Variants in PSAT1 observed in about 807,000 individuals in gnomAD.
PSAT1 encodes the protein phosphoserine aminotransferase 1.
PSAT1 carries 41 observed loss-of-function variants against 40.3 expected under a neutral mutation model. The ratio of observed to expected loss-of-function variants is 1.02; its 90% confidence interval spans 0.79 to 1.32. The LOEUF is 1.32. Among genes scored for constraint, PSAT1 ranks in the 40% most tolerant of loss-of-function variants. The pLI, the probability that PSAT1 is intolerant of heterozygous loss-of-function variation, is 0.00. For synonymous variants in PSAT1, 147 were observed against 170.5 expected, an observed-to-expected ratio of 0.86 and a Z score of 1.07; for missense variants, 406 against 455.8, an observed-to-expected ratio of 0.89 and a Z score of 0.99.
At chr9:78,304,035 A>G (rs1227061019) in intron 3 of PSAT1, among the ~76,000 whole-genome samples, 1 of 152,144 alleles carries the variant, frequency 6.6e-6, no homozygotes, top group East Asian at 1.9e-4. Flanking sequence ...GGCCTAAAAC[A>G]TTATCGAAAC....
At chr9:78,321,348 T>C (rs1194936847) in intron 7 of PSAT1, among the ~76,000 whole-genome samples, 2 of 152,238 alleles carry the variant, frequency 1.3e-5, no homozygotes, top group Non-Finnish European at 2.9e-5. Flanking sequence ...TGTTTATAGC[T>C]GGAGACTCCC....
intron 5 of PSAT1, among the ~76,000 whole-genome samples, chr9:78,307,231 T>G (rs1828197501): frequency 6.6e-6 from 1 of 152,186 alleles, no homozygotes; most frequent in African/African-American, 2.4e-5. Flanking sequence ...CAGCCTCCAT[T>G]CTAGTTTCTG....
At chr9:78,308,356 A>C in intron 5 of PSAT1, 58 bp from the exon 6 acceptor site, 1 of 1,573,042 alleles carries the variant, frequency 6.4e-7, no homozygotes, top group Non-Finnish European at 8.7e-7. Flanking sequence ...GGAAGTTTGC[A>C]TACATGTATG....
At chr9:78,324,212 G>A (rs867698612) in intron 7 of PSAT1, among the ~76,000 whole-genome samples, 2 of 152,148 alleles carry the variant, frequency 1.3e-5, no homozygotes, top group Non-Finnish European at 2.9e-5. Context: ...CATTTACGTG[G>A]TCGGTGAGCT....
chr9:78,320,424 A>G (rs1344708502), intron 7 of PSAT1, among the ~76,000 whole-genome samples: 1 of 117,630 alleles, frequency 8.5e-6, no homozygotes, highest in African/African-American at 3.4e-5. Context: ...ATCTACCTAC[A>G]CACCCACCCA....
chr9:78,326,955 A>ATATTTTTTTTTTTT lies in PSAT1; in HGVS notation c.870-1095_870-1094insATTTTTTTTTTTTT. Among the ~76,000 whole-genome samples, 147 of 75,920 alleles carry ATATTTTTTTTTTTT rather than the reference A, an allele frequency of 1.9e-3. 3 individuals carry two copies. The highest frequency in any genetic ancestry group is 5.2e-3 in the African/African-American group (55 of 10,530). 49.8% of individuals were successfully genotyped at this position (75,920 alleles called of 152,430 possible). On this transcript the variant is annotated intron_variant, in intron 7 of 8. Transcript: ENST00000376588. ...CAGCAATATATATATATATATATAT[A>ATATTTTTTTTTTTT]TTTTTTTTTTTTTTTTTTGAGACAG...
At chr9:78,313,760 T>A (rs970038428) in intron 6 of PSAT1, among the ~76,000 whole-genome samples, 1 of 152,074 alleles carries the variant, frequency 6.6e-6, no homozygotes, top group Non-Finnish European at 1.5e-5. Flanking sequence ...TCCTCCCACC[T>A]CAGCCTCCTA....
At chr9:78,303,372 G>A (rs1828135480) in intron 3 of PSAT1, among the ~76,000 whole-genome samples, 1 of 152,134 alleles carries the variant, frequency 6.6e-6, no homozygotes, top group East Asian at 1.9e-4. Context: ...GGACAATCCT[G>A]TCCTTCATGG....
In PSAT1 at chr9:78,320,108, A is replaced by G. The variant is rs936151798; in HGVS notation, c.869+2304A>G. On this transcript the variant is annotated intron_variant, in intron 7 of 8. Transcript: ENST00000376588. ...TCATCTACCACCTGCCTACCTATCC[A>G]TCCATCTACCCACTCACTCATCCAT... 4.0e-5 allele frequency among the ~76,000 whole-genome samples: 6 copies of G among 149,390 alleles called. No individual in the cohort carries two copies. The South Asian group carries it at 1.1e-3, about 27-fold the overall frequency.
At chr9:78,302,490 AG>A (rs1337478565) in intron 3 of PSAT1, among the ~76,000 whole-genome samples, 1 of 152,200 alleles carries the variant, frequency 6.6e-6, no homozygotes, top group Non-Finnish European at 1.5e-5. Context: ...GCACTTTGGG[AG>A]GCCGAGGCGG....
intron 7 of PSAT1, among the ~76,000 whole-genome samples, chr9:78,321,598 T>C (rs942653133): frequency 6.6e-6 from 1 of 152,146 alleles, no homozygotes; most frequent in African/African-American, 2.4e-5. Flanking sequence ...TTCCAGGTTG[T>C]TTGCTGGGGG....
intron 1 of PSAT1, among the ~76,000 whole-genome samples, chr9:78,298,014 A>G (rs1005786055): frequency 1.3e-4 from 19 of 150,402 alleles, no homozygotes; most frequent in African/African-American, 4.4e-4. Context: ...CGAGTATTCT[A>G]ACTCTGGTAG....
At chr9:78,313,095 G>A (rs1428582911) in intron 6 of PSAT1, among the ~76,000 whole-genome samples, 1 of 152,158 alleles carries the variant, frequency 6.6e-6, no homozygotes, top group Non-Finnish European at 1.5e-5. Context: ...GCTGGGTGTG[G>A]TGGCTCACGC....
intron 7 of PSAT1, among the ~76,000 whole-genome samples, chr9:78,327,564 C>T (rs1564020743): frequency 6.6e-6 from 1 of 152,136 alleles, no homozygotes; most frequent in Non-Finnish European, 1.5e-5. Context: ...AAGTAACTTG[C>T]TCAGGGTCAC....
chr9:78,306,041 G>A (rs1828176495), intron 4 of PSAT1, among the ~76,000 whole-genome samples: 1 of 152,128 alleles, frequency 6.6e-6, no homozygotes, highest in East Asian at 1.9e-4. Flanking sequence ...GGGACTATGG[G>A]CACATACCAC....
chr9:78,297,851 G>A (rs1564011110), intron 1 of PSAT1, among the ~76,000 whole-genome samples: 2 of 152,176 alleles, frequency 1.3e-5, no homozygotes, highest in East Asian at 1.9e-4. Context: ...GTTTGCTTTA[G>A]CCAGCACTTA....
At chr9:78,314,178 G>A (rs564025222) in intron 6 of PSAT1, among the ~76,000 whole-genome samples, 1 of 152,154 alleles carries the variant, frequency 6.6e-6, no homozygotes, top group South Asian at 2.1e-4. Context: ...TAGACGGTAT[G>A]GGAGTTGAAA....
intron 6 of PSAT1, among the ~76,000 whole-genome samples, chr9:78,317,362 C>T (rs1029242775): frequency 9.2e-5 from 14 of 152,154 alleles, no homozygotes; most frequent in African/African-American, 3.1e-4. Context: ...AAGCATTCCT[C>T]CCTGCTCTGC....
Position 78,329,396 on chromosome 9 carries a change from A to G in PSAT1, c.*310A>G. ...GATTTCAAACTTGCCTGTGGACTTAATAATGCAAGTTGCGATTAATTATTT... is the reference window on the plus strand; with the variant it reads ...GATTTCAAACTTGCCTGTGGACTTAGTAATGCAAGTTGCGATTAATTATTT... On this transcript the variant is annotated 3_prime_UTR_variant, in exon 9 of 9. Coordinates refer to ENST00000376588, the MANE Select transcript of PSAT1 (RefSeq NM_058179.4). 1 of 382,008 alleles carries G rather than the reference A, an allele frequency of 2.6e-6. No homozygotes were observed. Among genetic ancestry groups the G allele is most frequent in the Non-Finnish European group, 5.0e-6 (1 of 201,300 alleles). 23.7% of individuals were successfully genotyped at this position (382,008 alleles called of 1,614,324 possible).
Sources: gnomAD v4.1 joint callset for allele counts (sites outside exome capture counted in the v4.1 genomes callset) on GRCh38, gnomAD v4.1.1 for gene constraint, MANE v1.5 for transcripts, NCBI Gene and HGNC (gene_info 2026-07-23, HGNC 2026-07-21) for gene names.